Variants in PAM observed in about 807,000 individuals in gnomAD.
PAM encodes peptidylglycine alpha-amidating monooxygenase.
In PAM, 72 loss-of-function variants were observed where a neutral mutation model predicts 122.1. That is an observed-to-expected ratio of 0.59 (90% CI 0.49 to 0.72). The LOEUF (loss-of-function observed/expected upper bound fraction) is 0.72, where lower values mean the gene tolerates loss of function less well. Among genes scored for constraint, PAM ranks in the 30% least tolerant of loss-of-function variants. PAM has a pLI of 0.00. For missense variants in PAM, 1,106 were observed against 1,183.7 expected (o/e 0.93, Z 0.96); for synonymous variants, 389 against 404.4 (o/e 0.96, Z 0.46).
At chr5:103,004,671 G>C (rs1778420379) in intron 17 of PAM, among the ~76,000 whole-genome samples, 1 of 152,196 alleles carries the variant, frequency 6.6e-6, no homozygotes, top group Non-Finnish European at 1.5e-5. Flanking sequence ...GTTATGTGCT[G>C]TGGGTTTTAC....
intron 7 of PAM, among the ~76,000 whole-genome samples, chr5:102,927,786 A>G (rs1217411593): frequency 6.7e-6 from 1 of 149,576 alleles, no homozygotes; most frequent in Non-Finnish European, 1.5e-5. Flanking sequence ...AAATTAATAT[A>G]TATATAAATG....
intron 5 of PAM, among the ~76,000 whole-genome samples, chr5:102,920,792 T>C (rs964433743): frequency 6.6e-6 from 1 of 151,732 alleles, no homozygotes; most frequent in Non-Finnish European, 1.5e-5. Flanking sequence ...CTTGAGGGCA[T>C]GACAATTTTT....
intron 7 of PAM, among the ~76,000 whole-genome samples, 199 bp from the exon 8 acceptor site, chr5:102,946,638 T>G (rs1012957877): frequency 1.1e-4 from 16 of 150,616 alleles, no homozygotes; most frequent in African/African-American, 3.7e-4. Context: ...AATGATAGTT[T>G]TGTTTTTGCT....
chr5:102,957,686 C>A (rs1463414722), intron 12 of PAM, among the ~76,000 whole-genome samples: 1 of 152,020 alleles, frequency 6.6e-6, no homozygotes, highest in Non-Finnish European at 1.5e-5. Context: ...GCTGCCACTG[C>A]GCCCAGCTAA....
intron 1 of PAM, among the ~76,000 whole-genome samples, chr5:102,778,021 T>C (rs781499113): frequency 7.2e-5 from 11 of 152,144 alleles, no homozygotes; most frequent in Non-Finnish European, 1.5e-4. Flanking sequence ...AACACCTGAA[T>C]GGCATTGTGC....
At chr5:103,017,684 A>G (rs752774245) in intron 22 of PAM, among the ~76,000 whole-genome samples, 4 of 152,198 alleles carry the variant, frequency 2.6e-5, no homozygotes, top group Non-Finnish European at 5.9e-5. Flanking sequence ...TTAAAAGTCA[A>G]CATTAATTCC....
intron 1 of PAM, among the ~76,000 whole-genome samples, chr5:102,843,044 A>G (rs1376479556): frequency 2.0e-5 from 3 of 152,206 alleles, no homozygotes; most frequent in African/African-American, 4.8e-5. Flanking sequence ...AGGTGAAAAG[A>G]AAGTTCTACA....
intron 21 of PAM, among the ~76,000 whole-genome samples, chr5:103,013,811 C>A (rs1194347871): frequency 6.6e-6 from 1 of 151,950 alleles, no homozygotes; most frequent in Non-Finnish European, 1.5e-5. Flanking sequence ...GAGCTTTAAG[C>A]CATAGTAACA....
intron 15 of PAM, among the ~76,000 whole-genome samples, chr5:102,979,624 A>C (rs1582479651): frequency 1.3e-5 from 2 of 152,056 alleles, no homozygotes; most frequent in East Asian, 3.9e-4. Context: ...TTTTTCCTCA[A>C]CTTTAGGTCT....
At chr5:103,007,054 A>G in intron 19 of PAM, 43 bp downstream of exon 19, 1 of 1,393,060 alleles carries the variant, frequency 7.2e-7, no homozygotes, top group Non-Finnish European at 1.0e-6. Flanking sequence ...ATTCTTAGCC[A>G]GTATCACTGG....
At chr5:102,763,491 G>A (rs1288775225) in intron 1 of PAM, among the ~76,000 whole-genome samples, 6 of 151,956 alleles carry the variant, frequency 3.9e-5, no homozygotes, top group South Asian at 4.2e-4. Context: ...ATTTACACAC[G>A]ACAGCAACAA....
chr5:102,838,904 C>T (rs1196922372), intron 1 of PAM, among the ~76,000 whole-genome samples: 4 of 152,128 alleles, frequency 2.6e-5, no homozygotes, highest in East Asian at 1.9e-4. Flanking sequence ...AATACAGAAT[C>T]AGAGATCTGG....
At chr5:102,909,416 C>G (rs1395429226) in intron 4 of PAM, among the ~76,000 whole-genome samples, 3 of 151,786 alleles carry the variant, frequency 2.0e-5, no homozygotes, top group African/African-American at 7.2e-5. Context: ...TGCTTTTGCT[C>G]TTTGTCCTGT....
At chr5:102,921,394 T>C (rs966861889) in intron 5 of PAM, among the ~76,000 whole-genome samples, 3 of 152,144 alleles carry the variant, frequency 2.0e-5, no homozygotes, top group African/African-American at 7.2e-5. Flanking sequence ...GAAAATATGA[T>C]GCCATTTTCA....
intron 1 of PAM, among the ~76,000 whole-genome samples, chr5:102,816,502 C>A (rs1769846609): frequency 6.6e-6 from 1 of 152,140 alleles, no homozygotes; most frequent in African/African-American, 2.4e-5. Context: ...CTTGAACCCA[C>A]TTTTGAGAAC....
chr5:103,028,065 A>G, intron 24 of PAM, 120 bp from the exon 25 acceptor site: 1 of 738,454 alleles, frequency 1.4e-6, no homozygotes, highest in South Asian at 1.7e-5. Flanking sequence ...AATTGCATAC[A>G]GACAAGAGCC....
chr5:102,827,374 G>T (rs1773962670), intron 1 of PAM, among the ~76,000 whole-genome samples: 1 of 152,074 alleles, frequency 6.6e-6, no homozygotes, highest in African/African-American at 2.4e-5. Flanking sequence ...CTTGATAAAG[G>T]ATATTCAACC....
At chr5:102,915,976 A>G (rs1802978178) in intron 5 of PAM, among the ~76,000 whole-genome samples, 1 of 152,164 alleles carries the variant, frequency 6.6e-6, no homozygotes, top group South Asian at 2.1e-4. Context: ...TTTCAAAGAA[A>G]AATATAAATG....
Position 103,003,077 on chromosome 5 carries a change from C to G in PAM, c.1658C>G (p.Pro553Arg). 1 of 1,608,480 alleles carries G rather than the reference C, an allele frequency of 6.2e-7. No individual in the cohort carries two copies. Among genetic ancestry groups the G allele is most frequent in the Admixed American group, 1.7e-5 (1 of 59,882 alleles). ...KFVYQQIGLGPIEEDTILVID... is the reference protein window; with the variant it reads ...KFVYQQIGLGRIEEDTILVID... ...GTTTACCAGCAAATAGGACTCGGACCAATTGAAGAAGACACTATTCTTGTC... is the reference window on the plus strand; with the variant it reads ...GTTTACCAGCAAATAGGACTCGGACGAATTGAAGAAGACACTATTCTTGTC... Residue 553 changes from proline (P) to arginine (R), a missense_variant, in exon 17 of 26, where the codon CCA (proline) becomes CGA (arginine). Transcript: ENST00000438793.
Sources: allele counts gnomAD v4.1 joint callset (sites outside exome capture counted in the v4.1 genomes callset), GRCh38; gene constraint gnomAD v4.1.1; transcripts MANE v1.5; gene names NCBI Gene and HGNC (gene_info 2026-07-23, HGNC 2026-07-21).